The following WARS2 variants were observed in gnomAD, a reference collection of about 807,000 sequenced individuals.
The protein encoded by WARS2 is tryptophanyl tRNA synthetase 2, mitochondrial, also known as tryptophan--tRNA ligase, mitochondrial.
Under a neutral mutation model 36.5 loss-of-function variants are expected in WARS2, and 28 were observed. The observed-to-expected ratio is 0.77, with a 90% CI of 0.57 to 1.05. The LOEUF (loss-of-function observed/expected upper bound fraction) is 1.05. Among genes scored for constraint, WARS2 ranks in the 50% least tolerant of loss-of-function variants. WARS2 has a pLI of 0.00. For missense variants in WARS2, 435 were observed against 456.8 expected, an observed-to-expected ratio of 0.95 and a Z score of 0.44; for synonymous variants, 174 against 178.4, an observed-to-expected ratio of 0.98 and a Z score of 0.20.
At chr1:119,033,401 C>T (rs753913944) in intron 5 of WARS2, 42 bp from the exon 6 acceptor site, 1 of 1,606,942 alleles carries the variant, frequency 6.2e-7, no homozygotes, top group Non-Finnish European at 8.5e-7. Context: ...AAAACAAAAA[C>T]AAAACAAACA....
intron 1 of WARS2, among the ~76,000 whole-genome samples, chr1:119,078,147 G>A (rs188605804): frequency 1.3e-5 from 2 of 152,290 alleles, no homozygotes; most frequent in East Asian, 3.9e-4. Context: ...AGATATCACT[G>A]ACTTCAAAGC....
At chr1:119,044,720 T>C (rs1648649478) in intron 3 of WARS2, among the ~76,000 whole-genome samples, 1 of 152,166 alleles carries the variant, frequency 6.6e-6, no homozygotes, top group African/African-American at 2.4e-5. Flanking sequence ...GCGGTGTCTC[T>C]AGGGCCTCTT....
chr1:119,050,948 G>T (rs1033466226), intron 2 of WARS2, among the ~76,000 whole-genome samples: 1 of 152,100 alleles, frequency 6.6e-6, no homozygotes, highest in Non-Finnish European at 1.5e-5. Context: ...ATATAAAAAA[G>T]TTGAAACAAA....
chr1:119,049,620 A>G (rs1289703297), intron 2 of WARS2, among the ~76,000 whole-genome samples: 3 of 152,182 alleles, frequency 2.0e-5, no homozygotes, highest in Non-Finnish European at 4.4e-5. Context: ...CAACACATCC[A>G]AAACGTAACT....
intron 1 of WARS2, among the ~76,000 whole-genome samples, chr1:119,081,723 C>T (rs1314680426): frequency 6.6e-6 from 1 of 152,180 alleles, no homozygotes; most frequent in Admixed American, 6.5e-5. Flanking sequence ...ATTCTATCAT[C>T]TACATTGCCC....
intron 1 of WARS2, among the ~76,000 whole-genome samples, chr1:119,107,052 G>A (rs999400080): frequency 6.6e-6 from 1 of 152,092 alleles, no homozygotes; most frequent in South Asian, 2.1e-4. Context: ...ATTCCCTAAT[G>A]ATAAGTGATG....
At chr1:119,053,326 C>T (rs2794311) in intron 2 of WARS2, among the ~76,000 whole-genome samples, 49,480 of 152,102 alleles carry the variant, frequency 0.33, 9,504 homozygotes, top group African/African-American at 0.54. Flanking sequence ...AGACTACGTG[C>T]TGCCTGCAAA....
intron 1 of WARS2, among the ~76,000 whole-genome samples, chr1:119,105,213 G>T (rs1654150990): frequency 1.3e-5 from 2 of 152,152 alleles, no homozygotes; most frequent in Admixed American, 1.3e-4. Context: ...TACCAAGGAT[G>T]AATACTAAGG....
At chr1:119,133,753 A>C (rs868083800) in intron 1 of WARS2, among the ~76,000 whole-genome samples, 1 of 152,242 alleles carries the variant, frequency 6.6e-6, no homozygotes, top group Admixed American at 6.5e-5. Flanking sequence ...CATTAAACTA[A>C]TTTTAGTACA....
At chr1:119,036,208 G>A (rs1251800856) in intron 4 of WARS2, among the ~76,000 whole-genome samples, 2 of 150,762 alleles carry the variant, frequency 1.3e-5, no homozygotes, top group Non-Finnish European at 1.5e-5. Context: ...ACTCTGCCTC[G>A]AAAAATAAAA....
chr1:119,092,049 G>A (rs184358070), intron 1 of WARS2, among the ~76,000 whole-genome samples: 1 of 152,192 alleles, frequency 6.6e-6, no homozygotes, highest in Non-Finnish European at 1.5e-5. Flanking sequence ...ATTCCCCGTG[G>A]TTAGAGCAAC....
At chr1:119,053,216 A>G (rs1029165413) in intron 2 of WARS2, among the ~76,000 whole-genome samples, 1 of 152,146 alleles carries the variant, frequency 6.6e-6, no homozygotes, top group East Asian at 1.9e-4. Context: ...TTTTTTTTTA[A>G]AAAAGAAGAG....
chr1:119,085,180 T>A (rs907366679), intron 1 of WARS2: 1 of 805,676 alleles, frequency 1.2e-6, no homozygotes. Context: ...TCCCTGGTCT[T>A]TTCTTCTCTT....
intron 1 of WARS2, among the ~76,000 whole-genome samples, chr1:119,123,509 T>A (rs1192121141): frequency 6.6e-6 from 1 of 152,184 alleles, no homozygotes; most frequent in Non-Finnish European, 1.5e-5. Flanking sequence ...TAGTTGATAC[T>A]CCTTATCATT....
At chr1:119,048,134 A>G (rs1649012626) in intron 2 of WARS2, among the ~76,000 whole-genome samples, 1 of 152,236 alleles carries the variant, frequency 6.6e-6, no homozygotes, top group Non-Finnish European at 1.5e-5. Flanking sequence ...TTGGGATGAA[A>G]GGTAAATTGC....
intron 2 of WARS2, among the ~76,000 whole-genome samples, chr1:119,046,647 C>T (rs755396005): frequency 6.6e-6 from 1 of 151,980 alleles, no homozygotes; most frequent in Non-Finnish European, 1.5e-5. Context: ...TGAGCCACTG[C>T]GCCCAGCCCC....
At chr1:119,040,797 A>G (rs1648286238) in intron 4 of WARS2, among the ~76,000 whole-genome samples, 1 of 152,244 alleles carries the variant, frequency 6.6e-6, no homozygotes, top group African/African-American at 2.4e-5. Flanking sequence ...TACAGGTGAG[A>G]AAGTCAAGTT....
At chr1:119,107,307 T>C (rs1654304679) in intron 1 of WARS2, among the ~76,000 whole-genome samples, 1 of 152,182 alleles carries the variant, frequency 6.6e-6, no homozygotes, top group Non-Finnish European at 1.5e-5. Flanking sequence ...TTTATAATTG[T>C]AATGAAGTGC....
intron 1 of WARS2, 158 bp downstream of exon 1, chr1:119,140,397 C>T: frequency 1.8e-6 from 1 of 564,644 alleles, no homozygotes; most frequent in South Asian, 3.2e-5. Context: ...CGTCACTACG[C>T]TCTGAGCAGG....
Sources: allele counts gnomAD v4.1 joint callset (sites outside exome capture counted in the v4.1 genomes callset), GRCh38; gene constraint gnomAD v4.1.1; transcripts MANE v1.5; gene names NCBI Gene and HGNC (gene_info 2026-07-23, HGNC 2026-07-21).